PARD3B: variants seen among roughly 807,000 people sequenced by gnomAD.
PARD3B encodes par-3 family cell polarity regulator beta.
Under a neutral mutation model 130.2 loss-of-function variants are expected in PARD3B, and 103 were observed. The ratio of observed to expected loss-of-function variants is 0.79; its 90% CI spans 0.67 to 0.93. PARD3B has a LOEUF of 0.93. PARD3B is among the 40% of genes least tolerant of loss of function. The pLI, the probability that PARD3B is intolerant of heterozygous loss-of-function variation, is 0.00. For synonymous variants in PARD3B, 583 were observed against 553.2 expected (o/e 1.05, Z -0.76); for missense variants, 1,609 against 1,499.2 (o/e 1.07, Z -1.21).
intron 18 of PARD3B, among the ~76,000 whole-genome samples, chr2:205,339,839 G>A (rs2043452668): frequency 6.6e-6 from 1 of 152,084 alleles, no homozygotes; most frequent in Non-Finnish European, 1.5e-5. Context: ...TTGACCTGGA[G>A]AAGAGAAAAC....
intron 2 of PARD3B, among the ~76,000 whole-genome samples, chr2:204,923,431 T>C (rs961582000): frequency 1.3e-5 from 2 of 152,056 alleles, no homozygotes; most frequent in Non-Finnish European, 1.5e-5. Context: ...ATAAATTGCA[T>C]TAATAGCTTT....
At chr2:205,239,796 C>T (rs2039268718) in intron 15 of PARD3B, among the ~76,000 whole-genome samples, 1 of 152,084 alleles carries the variant, frequency 6.6e-6, no homozygotes, top group South Asian at 2.1e-4. Context: ...CTGCTGAGTT[C>T]TGATTAGCTC....
At chr2:204,643,623 C>G (rs935873701) in intron 1 of PARD3B, among the ~76,000 whole-genome samples, 2 of 152,008 alleles carry the variant, frequency 1.3e-5, no homozygotes, top group African/African-American at 4.8e-5. Context: ...TTTTTTTAAG[C>G]TCATCAGCTA....
At chr2:205,080,111 C>G (rs1358860892) in intron 4 of PARD3B, among the ~76,000 whole-genome samples, 1 of 152,158 alleles carries the variant, frequency 6.6e-6, no homozygotes, top group African/African-American at 2.4e-5. Flanking sequence ...CTCCCTGGCT[C>G]CTATTTTGTT....
intron 15 of PARD3B, among the ~76,000 whole-genome samples, chr2:205,224,042 T>C (rs1312693733): frequency 4.6e-4 from 57 of 123,738 alleles, no homozygotes; most frequent in East Asian, 9.9e-4. Flanking sequence ...CCAGCCTGGG[T>C]GACAGAGTGA....
intron 1 of PARD3B, among the ~76,000 whole-genome samples, chr2:204,665,109 T>C (rs2035967163): frequency 2.0e-5 from 3 of 151,676 alleles, no homozygotes. Flanking sequence ...TTCTTGTTTT[T>C]GTTTTTTTTT....
intron 20 of PARD3B, among the ~76,000 whole-genome samples, chr2:205,462,014 A>G (rs1427475678): frequency 2.6e-5 from 4 of 152,356 alleles, no homozygotes. Context: ...CTTACCTTAT[A>G]CATCTGTGTT....
intron 18 of PARD3B, among the ~76,000 whole-genome samples, chr2:205,331,369 A>G (rs992723913): frequency 3.3e-5 from 5 of 152,112 alleles, no homozygotes; most frequent in African/African-American, 1.2e-4. Flanking sequence ...AGCAGGCAGT[A>G]GGAGTTTCCC....
Position 205,105,022 on chromosome 2 carries a change from C to T in PARD3B, c.593+508C>T, listed in dbSNP as rs936444754. 8.5e-5 allele frequency among the ~76,000 whole-genome samples: 13 copies of T among 152,190 alleles called. No individual in the cohort carries two copies. Among genetic ancestry groups the T allele is most frequent in the African/African-American group, 2.7e-4 (11 of 41,438 alleles). Reference sequence around the variant, plus strand: ...TTAATGAAGGCAACTCATTTGCTGTCAGTGGCTGCCATGTTTCCCAGTACT... The same window carrying T: ...TTAATGAAGGCAACTCATTTGCTGTTAGTGGCTGCCATGTTTCCCAGTACT... On this transcript the variant is annotated intron_variant, in intron 5 of 22. Coordinates refer to ENST00000406610, the MANE Select transcript of PARD3B (RefSeq NM_001302769.2). This position sits in a 1 kb window ranked among gnomAD's most constrained non-coding sequence, Gnocchi z 4.0.
chr2:204,739,486 G>T (rs1219153729), intron 2 of PARD3B, among the ~76,000 whole-genome samples: 1 of 152,092 alleles, frequency 6.6e-6, no homozygotes, highest in African/African-American at 2.4e-5. Context: ...ACAGTATTTT[G>T]CTCTGTTGCC....
chr2:205,184,613 G>A (rs2035986742), intron 13 of PARD3B, among the ~76,000 whole-genome samples: 1 of 152,004 alleles, frequency 6.6e-6, no homozygotes, highest in African/African-American at 2.4e-5. Context: ...GTGGTGGCGA[G>A]CGCCTGTAGT....
chr2:205,598,321 A>G (rs576668773), intron 22 of PARD3B, among the ~76,000 whole-genome samples: 3 of 152,166 alleles, frequency 2.0e-5, no homozygotes, highest in East Asian at 3.9e-4. Flanking sequence ...CTAATCTTCT[A>G]TCAGATAAAA....
Position 204,799,681 on chromosome 2 carries a change from C to G in PARD3B, c.222+113399C>G, listed in dbSNP as rs2042496571. On this transcript the variant is annotated intron_variant, in intron 2 of 22. Transcript: ENST00000406610. This position sits in a 1 kb window ranked among gnomAD's most constrained non-coding sequence, Gnocchi z 4.1. ...AGCTCAGCACAGAGAAAGACTGACT[C>G]TTTTTGGGGGCAAAGTGAGGGAAGA... Among the ~76,000 whole-genome samples the G allele has an allele frequency of 6.6e-6, 1 of 152,182 alleles. No homozygotes were observed.
At chr2:205,349,635 A>G (rs61369520) in intron 18 of PARD3B, among the ~76,000 whole-genome samples, 2 of 152,130 alleles carry the variant, frequency 1.3e-5, no homozygotes, top group Admixed American at 6.5e-5. Flanking sequence ...AGCATTTTCC[A>G]GAGATAAAAA....
intron 3 of PARD3B, among the ~76,000 whole-genome samples, chr2:205,002,659 G>A (rs1400965192): frequency 2.0e-5 from 3 of 152,054 alleles, no homozygotes; most frequent in African/African-American, 7.2e-5. Context: ...CCTCCACCCT[G>A]CCTGCTCCAC....
chr2:204,706,352 G>C (rs1297949182), intron 2 of PARD3B, among the ~76,000 whole-genome samples: 1 of 149,700 alleles, frequency 6.7e-6, no homozygotes, highest in Non-Finnish European at 1.5e-5. Flanking sequence ...GGGCGACAGA[G>C]TGAGACTCTG....
intron 14 of PARD3B, 34 bp downstream of exon 14, chr2:205,185,897 T>C (rs2036071693): frequency 1.3e-6 from 2 of 1,546,172 alleles, no homozygotes; most frequent in African/African-American, 1.4e-5. Flanking sequence ...AAATGCTCCT[T>C]GTTATTGTTT....
In PARD3B at chr2:205,267,646, C is replaced by T. The variant is rs545766365; in HGVS notation, c.2185+21824C>T. 5.9e-5 allele frequency among the ~76,000 whole-genome samples: 9 copies of T among 152,198 alleles called. No homozygotes were observed. In the South Asian group the frequency reaches 1.7e-3, roughly 28 times the overall value. ...ATGGTATGCCCTAATTTTAATGATT[C>T]CGCAGTCCTATGAGGTGACTTTAAT... On this transcript the variant is annotated intron_variant, in intron 16 of 22. Coordinates refer to ENST00000406610, the MANE Select transcript of PARD3B (RefSeq NM_001302769.2).
intron 15 of PARD3B, among the ~76,000 whole-genome samples, chr2:205,217,830 A>G (rs12617410): frequency 1.4e-5 from 1 of 69,006 alleles, no homozygotes; most frequent in African/African-American, 8.4e-5. Flanking sequence ...ATGTGTGTGT[A>G]TATATGTGTG....
Sources: allele counts gnomAD v4.1 joint callset (sites outside exome capture counted in the v4.1 genomes callset), GRCh38; gene constraint gnomAD v4.1.1; non-coding constraint Gnocchi (gnomAD v3.1); transcripts MANE v1.5; gene names NCBI Gene and HGNC (gene_info 2026-07-23, HGNC 2026-07-21).